Variants in CEP350 observed in about 807,000 individuals in gnomAD.
The protein encoded by CEP350 is centrosome-associated protein 350.
In CEP350, 126 loss-of-function variants were observed where a neutral mutation model predicts 331.8. That is an observed-to-expected ratio of 0.38 (90% confidence interval 0.33 to 0.44). The LOEUF is 0.44. Among genes scored for constraint, CEP350 ranks in the 20% least tolerant of loss-of-function variants. The pLI is 1.00. For synonymous variants in CEP350, 1,200 were observed against 1,259.5 expected (o/e 0.95, Z 1.00); for missense variants, 3,406 against 3,634.6 (o/e 0.94, Z 1.62).
intron 21 of CEP350, 146 bp from the exon 22 acceptor site, chr1:180,048,390 C>G: frequency 1.7e-6 from 1 of 589,544 alleles, no homozygotes; most frequent in Non-Finnish European, 3.0e-6. Flanking sequence ...ACTTATGTTA[C>G]TTAGCTTTTT....
Position 179,996,603 on chromosome 1 carries a change from A to G in CEP350, c.446A>G (p.Lys149Arg). The G allele has an allele frequency of 6.3e-7, 1 of 1,598,362 alleles. No individual in the cohort carries two copies. The highest frequency in any genetic ancestry group is 8.5e-7 in the Non-Finnish European group (1 of 1,171,822). The change falls in exon 6 of 38, where the codon AAG (lysine) becomes AGG (arginine). Residue 149 changes from lysine to arginine, a missense_variant. By Grantham distance (26) the Lys-to-Arg change is conservative. Transcript: ENST00000367607. The part of the protein sequence containing the change: ...SNFSSSHLES[K>R]HVYCVDVNEE... ...TTCAGTTCCAGCCATCTGGAATCAA[A>G]GCACGTATACTGTGTAGATGTTAAT...
At position 180,011,954 on chromosome 1, in the gene CEP350, T is replaced by C; in HGVS notation, c.1272T>C (p.Ser424=). ...GTAGTAGTCATCTTATAAGTACATC[T>C]TCTTGGCGAGATGGACAAAAATTAG... ...RTGSSHLIST[S]SWRDGQKLVK... is the part of the protein sequence containing the mutation. Residue 424 remains serine, a synonymous_variant, in exon 9 of 38, where the codon TCT becomes TCC. Transcript: ENST00000367607. The C allele has an allele frequency of 6.2e-7, 1 of 1,602,998 alleles. No individual in the cohort carries two copies. Among genetic ancestry groups the C allele is most frequent in the Non-Finnish European group, 8.5e-7 (1 of 1,173,994 alleles).
intron 7 of CEP350, among the ~76,000 whole-genome samples, chr1:180,004,906 G>GCTTTCTTT (rs1158546433): frequency 0.034 from 4,393 of 130,490 alleles, 148 homozygotes; most frequent in Non-Finnish European, 0.036. Flanking sequence ...TTGCTTGCTT[G>GCTTTCTTT]CTTTCTTTCT....
At chr1:180,015,098 TGA>T (rs1230563979) in intron 10 of CEP350, among the ~76,000 whole-genome samples, 1 of 152,002 alleles carries the variant, frequency 6.6e-6, no homozygotes, top group African/African-American at 2.4e-5. Context: ...TTGAGTAGGC[TGA>T]GAGGAGGAGG....
At position 180,003,156 on chromosome 1, in the gene CEP350, GT is replaced by G; in HGVS notation, c.1019-16del. On this transcript the variant is annotated splice_polypyrimidine_tract_variant and intron_variant, in intron 6 of 37. Transcript: ENST00000367607. ...AGCAACTTTGATAAGAATATTCTGT[GT>G]TACTGGTATGTATTAGGTTTCAACC... The G allele has an allele frequency of 6.7e-7, 1 of 1,493,768 alleles. No individual in the cohort carries two copies. Among genetic ancestry groups the G allele is most frequent in the Non-Finnish European group, 9.2e-7 (1 of 1,082,476 alleles). 92.5% of individuals were successfully genotyped at this position (1,493,768 alleles called of 1,614,324 possible).
rs139064976 is a variant in CEP350, at chr1:179,999,420, A to G, written c.1018+2245A>G. Among the ~76,000 whole-genome samples the G allele has an allele frequency of 2.6e-3, 389 of 152,248 alleles. 3 individuals carry two copies. Among genetic ancestry groups the G allele is most frequent in the African/African-American group, 9.0e-3 (376 of 41,552 alleles). On this transcript the variant is annotated intron_variant, in intron 6 of 37. Coordinates refer to ENST00000367607, the MANE Select transcript of CEP350 (RefSeq NM_014810.5). Reference sequence around the variant, plus strand: ...TTGGAGGGGTTACTTTGAAAAAGGTAGCAAACATTTGAGAACTCATTATAG... The same window carrying G: ...TTGGAGGGGTTACTTTGAAAAAGGTGGCAAACATTTGAGAACTCATTATAG...
At chr1:180,102,086 T>C (rs1660850478) in intron 37 of CEP350, among the ~76,000 whole-genome samples, 1 of 151,306 alleles carries the variant, frequency 6.6e-6, no homozygotes, top group Admixed American at 6.6e-5. Context: ...AGGGGAACAT[T>C]AGAGTGAAAG....
At chr1:179,998,300 T>TAA (rs1316589623) in intron 6 of CEP350, among the ~76,000 whole-genome samples, 2 of 140,368 alleles carry the variant, frequency 1.4e-5, no homozygotes. Context: ...TTTCTTCTAT[T>TAA]TTCTTTTTTT....
chr1:179,983,695 A>T (rs554424857), intron 1 of CEP350, among the ~76,000 whole-genome samples: 10 of 152,322 alleles, frequency 6.6e-5, no homozygotes, highest in Admixed American at 4.6e-4. Flanking sequence ...CTTAAATTTA[A>T]ATTGGTGTTT....
At chr1:179,986,034 G>GT (rs1019057191) in intron 1 of CEP350, 135 bp from the exon 2 acceptor site, 9 of 651,630 alleles carry the variant, frequency 1.4e-5, no homozygotes, top group Non-Finnish European at 2.3e-5. Flanking sequence ...TATTTTGTGT[G>GT]TTTTTGATAG....
At chr1:180,054,013 C>A in intron 24 of CEP350, 79 bp downstream of exon 24, 1 of 1,163,320 alleles carries the variant, frequency 8.6e-7, no homozygotes, top group Admixed American at 2.8e-5. Context: ...TTTTTTGTTT[C>A]CTCATTTCAT....
At chr1:180,099,797 T>A (rs1203127486) in intron 37 of CEP350, among the ~76,000 whole-genome samples, 1 of 97,592 alleles carries the variant, frequency 1.0e-5, no homozygotes, top group African/African-American at 3.1e-5. Context: ...TTTTTTTTTT[T>A]TTTTTTGAGA....
intron 8 of CEP350, among the ~76,000 whole-genome samples, chr1:180,008,881 A>G (rs935618345): frequency 2.0e-5 from 3 of 152,262 alleles, no homozygotes; most frequent in African/African-American, 7.2e-5. Context: ...ACTAATCAGT[A>G]GAATGGCAGA....
chr1:180,048,986 T>G (rs1657307186), intron 22 of CEP350, among the ~76,000 whole-genome samples: 1 of 152,140 alleles, frequency 6.6e-6, no homozygotes, highest in African/African-American at 2.4e-5. Context: ...GAGGATCACT[T>G]TAGCCTAGGA....
intron 1 of CEP350, among the ~76,000 whole-genome samples, chr1:179,959,231 T>G (rs1650404684): frequency 6.6e-6 from 1 of 152,112 alleles, no homozygotes; most frequent in African/African-American, 2.4e-5. Flanking sequence ...CCGAGGCAAG[T>G]GGGTCACTTG....
At chr1:180,029,074 G>A (rs1655849366) in intron 14 of CEP350, among the ~76,000 whole-genome samples, 1 of 152,116 alleles carries the variant, frequency 6.6e-6, no homozygotes, top group Non-Finnish European at 1.5e-5. Context: ...GTGGTGAAAA[G>A]GAGTGTCTGC....
Position 179,990,633 on chromosome 1 carries a change from GT to G in CEP350, c.235+14del, listed in dbSNP as rs1383064460. 2.9e-6 allele frequency: 4 copies of G among 1,401,854 alleles called. No homozygotes were observed. Among genetic ancestry groups the G allele is most frequent in the Non-Finnish European group, 4.0e-6 (4 of 1,010,394 alleles). The allele number at this position is 1,401,854 out of a possible 1,614,324, so 86.8% of individuals were successfully genotyped here. On this transcript the variant is annotated intron_variant, in intron 4 of 37. Coordinates refer to ENST00000367607, the MANE Select transcript of CEP350 (RefSeq NM_014810.5). ...AATAAGTAGAAAAGGTATGTATGAA[GT>G]TACTTCCAAATATATACATATATTA...
At chr1:179,995,354 A>G (rs1045250031) in intron 5 of CEP350, among the ~76,000 whole-genome samples, 7 of 151,986 alleles carry the variant, frequency 4.6e-5, no homozygotes, top group South Asian at 4.2e-4. Flanking sequence ...TAATCCCAGC[A>G]CTTTGGAAGG....
intron 1 of CEP350, among the ~76,000 whole-genome samples, chr1:179,971,003 A>C (rs987506153): frequency 6.6e-6 from 1 of 151,828 alleles, no homozygotes; most frequent in Admixed American, 6.6e-5. Flanking sequence ...ATTACATGTT[A>C]AAATAATAAC....
Sources: gnomAD v4.1 joint callset for allele counts (sites outside exome capture counted in the v4.1 genomes callset) on GRCh38, gnomAD v4.1.1 for gene constraint, MANE v1.5 for transcripts, NCBI Gene and HGNC (gene_info 2026-07-23, HGNC 2026-07-21) for gene names.